The following FER variants were observed in gnomAD, a reference collection of about 807,000 sequenced individuals.
FER encodes FER tyrosine kinase, also known as tyrosine-protein kinase Fer.
Under a neutral mutation model 111.0 loss-of-function variants are expected in FER, and 63 were observed. The observed-to-expected ratio is 0.57, with a 90% CI of 0.46 to 0.70. FER has a LOEUF of 0.70. Ranked by LOEUF, FER falls within the 30% of genes least tolerant of loss-of-function variation. The probability of loss-of-function intolerance (pLI) is 0.00; values close to 1 mark genes in which losing one functional copy is unlikely to be tolerated. For missense variants in FER, 914 were observed against 954.0 expected (o/e 0.96, Z 0.55); for synonymous variants, 327 against 313.9 (o/e 1.04, Z -0.44).
chr5:108,760,463 C>G (rs1751606670), intron 1 of FER, among the ~76,000 whole-genome samples: 1 of 152,182 alleles, frequency 6.6e-6, no homozygotes, highest in African/African-American at 2.4e-5. Flanking sequence ...CATTTTCTTT[C>G]TATATAAGGC....
intron 10 of FER, among the ~76,000 whole-genome samples, chr5:108,911,157 G>A (rs1228795590): frequency 6.6e-6 from 1 of 152,046 alleles, no homozygotes; most frequent in Non-Finnish European, 1.5e-5. Flanking sequence ...TTTCAACATA[G>A]CCATTCTGAC....
chr5:109,044,998 A>G (rs1234852672), intron 15 of FER, among the ~76,000 whole-genome samples: 1 of 152,134 alleles, frequency 6.6e-6, no homozygotes, highest in Non-Finnish European at 1.5e-5. Flanking sequence ...AAAAAGCAGT[A>G]TTATTCAAGT....
At chr5:108,886,312 G>A (rs1329524890) in intron 9 of FER, among the ~76,000 whole-genome samples, 4 of 151,402 alleles carry the variant, frequency 2.6e-5, no homozygotes, top group African/African-American at 9.7e-5. Flanking sequence ...TATAAGAGAG[G>A]AGCCTTGAAG....
chr5:109,144,747 T>C (rs1753894359), intron 17 of FER, among the ~76,000 whole-genome samples: 1 of 152,058 alleles, frequency 6.6e-6, no homozygotes, highest in African/African-American at 2.4e-5. Context: ...TGGATGGACC[T>C]AGGACCCAAA....
chr5:109,123,651 C>G (rs1561924581), intron 17 of FER, among the ~76,000 whole-genome samples: 1 of 152,124 alleles, frequency 6.6e-6, no homozygotes, highest in Non-Finnish European at 1.5e-5. Context: ...AACAAACTAA[C>G]AAGCAAAGAG....
At chr5:109,076,137 T>C (rs1398344536) in intron 16 of FER, among the ~76,000 whole-genome samples, 1 of 152,100 alleles carries the variant, frequency 6.6e-6, no homozygotes, top group African/African-American at 2.4e-5. Context: ...GGCTATTCTT[T>C]CTAAGAATTT....
rs533381643 is a variant in FER at position 109,059,453 on chromosome 5, G to A, written c.1924+12255G>A. On this transcript the variant is annotated intron_variant, in intron 16 of 19. Coordinates refer to ENST00000281092, the MANE Select transcript of FER (RefSeq NM_005246.4). ...TGAGGCAGGAGAATCGCTTGAACCC[G>A]GGAGGCGGAGGTTGCAGTGAGCTGA... Among the ~76,000 whole-genome samples, 501 of 152,150 alleles carry A rather than the reference G, an allele frequency of 3.3e-3. 2 individuals carry two copies. Among genetic ancestry groups the A allele is most frequent in the African/African-American group, 9.9e-3 (413 of 41,518 alleles).
At chr5:108,876,957 T>A (rs116223229) in intron 8 of FER, among the ~76,000 whole-genome samples, 2,227 of 152,278 alleles carry the variant, frequency 0.015, 42 homozygotes, top group African/African-American at 0.05. Context: ...AATCTTTGTT[T>A]TCTCTTTTGT....
chr5:109,054,365 C>T (rs1260730512), intron 16 of FER, among the ~76,000 whole-genome samples: 6 of 152,152 alleles, frequency 3.9e-5, no homozygotes, highest in African/African-American at 1.4e-4. Context: ...TTTGCCCTTT[C>T]CCATTGAATA....
intron 13 of FER, among the ~76,000 whole-genome samples, chr5:108,991,405 A>T (rs993809002): frequency 6.6e-6 from 1 of 152,080 alleles, no homozygotes; most frequent in Middle Eastern, 3.2e-3. Flanking sequence ...AAAACAGACA[A>T]ATTTTTAACA....
chr5:108,825,558 C>T (rs552496810), intron 3 of FER, among the ~76,000 whole-genome samples: 199 of 152,244 alleles, frequency 1.3e-3, no homozygotes, highest in African/African-American at 4.3e-3. Flanking sequence ...ACATGCTGTG[C>T]AATTTGTGTA....
intron 3 of FER, among the ~76,000 whole-genome samples, chr5:108,800,357 C>CT (rs576069432): frequency 8.7e-5 from 13 of 149,052 alleles, no homozygotes; most frequent in East Asian, 3.9e-4. Flanking sequence ...AGCCTTTCCT[C>CT]TTTTTTTTTT....
At chr5:108,878,181 A>G (rs948395677) in intron 8 of FER, among the ~76,000 whole-genome samples, 13 of 152,156 alleles carry the variant, frequency 8.5e-5, no homozygotes, top group African/African-American at 2.9e-4. Context: ...TGCTGCGATT[A>G]CATTCGGGAG....
intron 2 of FER, among the ~76,000 whole-genome samples, chr5:108,791,118 GT>G (rs1315146734): frequency 6.6e-6 from 1 of 152,196 alleles, no homozygotes; most frequent in Admixed American, 6.5e-5. Context: ...TCATATGCAA[GT>G]TTTTGTATAG....
chr5:108,760,807 T>C (rs1751648604), intron 1 of FER, among the ~76,000 whole-genome samples: 1 of 152,206 alleles, frequency 6.6e-6, no homozygotes, highest in Non-Finnish European at 1.5e-5. Context: ...AATAAGGCTG[T>C]TTTGCTTTCT....
At chr5:109,061,751 G>A (rs1774444499) in intron 16 of FER, among the ~76,000 whole-genome samples, 1 of 152,118 alleles carries the variant, frequency 6.6e-6, no homozygotes. Flanking sequence ...AAGCTGTGGA[G>A]GGAAGATTTA....
intron 10 of FER, among the ~76,000 whole-genome samples, chr5:108,945,602 A>G (rs1756877681): frequency 6.7e-6 from 1 of 148,644 alleles, no homozygotes; most frequent in Non-Finnish European, 1.5e-5. Flanking sequence ...CATCAGGATC[A>G]TTATGATGGT....
intron 13 of FER, among the ~76,000 whole-genome samples, chr5:109,029,028 A>C (rs561360560): frequency 4.0e-4 from 61 of 152,194 alleles, no homozygotes; most frequent in Non-Finnish European, 4.4e-4. Flanking sequence ...ATTATGGACT[A>C]ATATTACTCA....
chr5:109,001,158 A>G (rs899548870), intron 13 of FER, among the ~76,000 whole-genome samples: 3 of 152,192 alleles, frequency 2.0e-5, no homozygotes, highest in Non-Finnish European at 4.4e-5. Context: ...CTGATACCAA[A>G]GCCTGGCAGA....
Sources: gnomAD v4.1 joint callset for allele counts (sites outside exome capture counted in the v4.1 genomes callset) on GRCh38, gnomAD v4.1.1 for gene constraint, MANE v1.5 for transcripts, NCBI Gene and HGNC (gene_info 2026-07-23, HGNC 2026-07-21) for gene names.